The following ATRNL1 variants were observed in gnomAD, a reference collection of about 807,000 sequenced individuals.
ATRNL1 encodes the protein attractin like 1, also known as attractin-like protein 1.
Under a neutral mutation model 182.7 loss-of-function variants are expected in ATRNL1, and 95 were observed. The observed-to-expected ratio is 0.52, with a 90% CI of 0.44 to 0.62. ATRNL1 has a LOEUF of 0.62. ATRNL1 is among the 20% of genes least tolerant of loss of function. The pLI, the probability that ATRNL1 is intolerant of heterozygous loss-of-function variation, is 0.00. For synonymous variants in ATRNL1, 576 were observed against 568.3 expected (o/e 1.01, Z -0.19); for missense variants, 1,471 against 1,679.5 (o/e 0.88, Z 2.17).
At chr10:115,283,968 A>G (rs1382207802) in intron 14 of ATRNL1, among the ~76,000 whole-genome samples, 1 of 152,204 alleles carries the variant, frequency 6.6e-6, no homozygotes, top group Admixed American at 6.5e-5. Context: ...CCAACTGGTT[A>G]TATATCGTTT....
At position 115,121,849 on chromosome 10, in the gene ATRNL1, CTG is replaced by C. The variant is rs781919965; in HGVS notation, c.491+41_491+42del. The stretch of plus-strand genomic sequence containing the variant: ...TATTTAATCAGTTGCAGAAAAGTGA[CTG>C]TGTAATTGCTTCTTTAAATATATAT... On this transcript the variant is annotated intron_variant, in intron 3 of 28. Coordinates refer to ENST00000355044, the MANE Select transcript of ATRNL1 (RefSeq NM_207303.4). 1.2e-5 allele frequency: 12 copies of C among 989,266 alleles called. No individual in the cohort carries two copies. The East Asian group carries it at 1.3e-4, about 11-fold the overall frequency. The allele number at this position is 989,266 out of a possible 1,614,324, so 61.3% of individuals were successfully genotyped here.
chr10:115,937,405 T>A (rs1472209741), intron 28 of ATRNL1, among the ~76,000 whole-genome samples: 8 of 152,240 alleles, frequency 5.3e-5, no homozygotes, highest in Non-Finnish European at 1.0e-4. Flanking sequence ...GCATTTGTCA[T>A]TCCAGTGTCT....
chr10:115,135,650 C>G (rs1554876453), intron 5 of ATRNL1, among the ~76,000 whole-genome samples: 1 of 152,130 alleles, frequency 6.6e-6, no homozygotes, highest in Non-Finnish European at 1.5e-5. Flanking sequence ...CATGAAGCTA[C>G]CAATGAGTTT....
intron 28 of ATRNL1, among the ~76,000 whole-genome samples, chr10:115,869,963 C>G (rs1385500723): frequency 9.0e-6 from 1 of 111,104 alleles, no homozygotes; most frequent in Non-Finnish European, 1.6e-5. Flanking sequence ...TGTTCCCAGA[C>G]CTTTTTTTTT....
chr10:115,870,570 G>T (rs1229768023), intron 28 of ATRNL1, among the ~76,000 whole-genome samples: 2 of 152,186 alleles, frequency 1.3e-5, no homozygotes, highest in African/African-American at 4.8e-5. Context: ...TCCCCAGCCT[G>T]CATAACTAAG....
At chr10:115,828,259 G>A (rs1253852127) in intron 27 of ATRNL1, among the ~76,000 whole-genome samples, 2 of 152,030 alleles carry the variant, frequency 1.3e-5, no homozygotes, top group African/African-American at 4.8e-5. Context: ...AGAGGTTGCG[G>A]TGAGCCGAAA....
At chr10:115,472,527 G>T in intron 24 of ATRNL1, among the ~76,000 whole-genome samples, 1 of 150,860 alleles carries the variant, frequency 6.6e-6, no homozygotes, top group African/African-American at 2.4e-5. Context: ...TTTCATCAAT[G>T]CTTTATAATT....
intron 27 of ATRNL1, among the ~76,000 whole-genome samples, chr10:115,827,363 A>G (rs965376427): frequency 8.5e-5 from 13 of 152,206 alleles, no homozygotes; most frequent in Admixed American, 1.3e-4. Context: ...GGGATTTCAC[A>G]GTTTAAAATA....
intron 24 of ATRNL1, among the ~76,000 whole-genome samples, chr10:115,477,956 G>T (rs78379647): frequency 4.4e-4 from 67 of 151,688 alleles, no homozygotes; most frequent in Middle Eastern, 3.4e-3. Context: ...ACAATTGCTT[G>T]CTTTCTCATT....
intron 3 of ATRNL1, among the ~76,000 whole-genome samples, chr10:115,123,485 A>G (rs782815188): frequency 6.6e-6 from 1 of 152,242 alleles, no homozygotes; most frequent in African/African-American, 2.4e-5. Context: ...AATTACTTCA[A>G]TTGTATAAAT....
intron 26 of ATRNL1, among the ~76,000 whole-genome samples, chr10:115,626,094 A>G (rs544554377): frequency 6.6e-6 from 1 of 152,350 alleles, no homozygotes; most frequent in Non-Finnish European, 1.5e-5. Flanking sequence ...ACTCCAAAAT[A>G]TTAAACCCTT....
chr10:115,467,852 T>G (rs1554971171), intron 23 of ATRNL1, among the ~76,000 whole-genome samples: 1 of 150,826 alleles, frequency 6.6e-6, no homozygotes. Flanking sequence ...ATTCTTACTT[T>G]AATTTTAGTT....
chr10:115,164,975 G>A (rs1367775807), intron 6 of ATRNL1, among the ~76,000 whole-genome samples: 4 of 152,058 alleles, frequency 2.6e-5, no homozygotes, highest in Admixed American at 6.6e-5. Flanking sequence ...GAGAAGAAAT[G>A]TTATGCTCCC....
intron 21 of ATRNL1, among the ~76,000 whole-genome samples, chr10:115,459,972 A>T (rs1847715310): frequency 1.3e-5 from 2 of 152,304 alleles, no homozygotes; most frequent in South Asian, 4.1e-4. Context: ...TAACTTTTGA[A>T]TCTCACTCAG....
At chr10:115,669,476 A>G (rs187014502) in intron 26 of ATRNL1, among the ~76,000 whole-genome samples, 98 of 152,258 alleles carry the variant, frequency 6.4e-4, no homozygotes, top group African/African-American at 2.1e-3. Context: ...TGCAACATGT[A>G]TCTTTTTTTC....
chr10:115,311,105 T>C (rs1853999160), intron 17 of ATRNL1, among the ~76,000 whole-genome samples: 2 of 152,156 alleles, frequency 1.3e-5, no homozygotes, highest in Non-Finnish European at 1.5e-5. Context: ...TTTTCATGTA[T>C]TTACATAGTT....
intron 26 of ATRNL1, among the ~76,000 whole-genome samples, chr10:115,644,359 T>G (rs1029650761): frequency 6.6e-6 from 1 of 152,166 alleles, no homozygotes; most frequent in Non-Finnish European, 1.5e-5. Context: ...CTACGCACAG[T>G]GTGTACCAAA....
intron 26 of ATRNL1, among the ~76,000 whole-genome samples, chr10:115,679,909 A>G (rs1945993614): frequency 6.6e-6 from 1 of 152,146 alleles, no homozygotes; most frequent in Non-Finnish European, 1.5e-5. Flanking sequence ...TGTTAAAAGT[A>G]GTCAACATAC....
intron 21 of ATRNL1, among the ~76,000 whole-genome samples, chr10:115,440,245 A>G (rs1212493445): frequency 6.6e-6 from 1 of 151,852 alleles, no homozygotes; most frequent in Non-Finnish European, 1.5e-5. Flanking sequence ...CCCTGAAATC[A>G]ACTAGTTCCC....
Sources: gnomAD v4.1 joint callset for allele counts (sites outside exome capture counted in the v4.1 genomes callset) on GRCh38, gnomAD v4.1.1 for gene constraint, MANE v1.5 for transcripts, NCBI Gene and HGNC (gene_info 2026-07-23, HGNC 2026-07-21) for gene names.